The following ZNF74 variants were observed in gnomAD, a reference collection of about 807,000 sequenced individuals.
ZNF74 encodes zinc finger protein 74.
In ZNF74, 12 loss-of-function variants were observed where a neutral mutation model predicts 17.7. The observed-to-expected ratio is 0.68, with a 90% CI of 0.43 to 1.10. The LOEUF (loss-of-function observed/expected upper bound fraction) is 1.10, where lower values mean the gene tolerates loss of function less well. ZNF74 is among the 50% of genes least tolerant of loss of function. ZNF74 has a pLI of 0.00. For synonymous variants in ZNF74, 358 were observed against 362.1 expected, an observed-to-expected ratio of 0.99 and a Z score of 0.13; for missense variants, 811 against 881.0, an observed-to-expected ratio of 0.92 and a Z score of 1.01.
chr22:20,404,966 G>A (rs2052396992), intron 4 of ZNF74, among the ~76,000 whole-genome samples: 1 of 152,218 alleles, frequency 6.6e-6, no homozygotes, highest in Non-Finnish European at 1.5e-5. Flanking sequence ...CAAAAAACAT[G>A]TATTTGTCCT....
chr22:20,406,755 C>T lies in ZNF74; in HGVS notation c.1722C>T (p.His574=). The T allele has an allele frequency of 6.2e-7, 1 of 1,614,138 alleles. No homozygotes were observed. The change falls in exon 5 of 5, where the codon CAC becomes CAT. Residue 574 remains histidine (H), a synonymous_variant. Transcript: ENST00000400451. ...MFNWSSHLTE[H]QRLHSEGKPL... ...ACTGGAGCTCGCACCTCACTGAGCACCAGAGGCTGCACAGCGAGGGGAAGC... is the reference window on the plus strand; with the variant it reads ...ACTGGAGCTCGCACCTCACTGAGCATCAGAGGCTGCACAGCGAGGGGAAGC...
chr22:20,405,534 A>T lies in ZNF74; in HGVS notation c.501A>T (p.Ala167=). 6.2e-7 allele frequency: 1 copy of T among 1,602,982 alleles called. No individual in the cohort carries two copies. The highest frequency in any genetic ancestry group is 8.5e-7 in the Non-Finnish European group (1 of 1,175,010). ...QRSQAAPWAP[A]PAMVWDVPVE... ...GTCAGGCTGCGCCCTGGGCGCCCGCACCTGCCATGGTCTGGGACGTCCCTG... is the reference window on the plus strand; with the variant it reads ...GTCAGGCTGCGCCCTGGGCGCCCGCTCCTGCCATGGTCTGGGACGTCCCTG... The change falls in exon 5 of 5, where the codon GCA becomes GCT. Residue 167 remains alanine, a synonymous_variant. Transcript: ENST00000400451.
intron 4 of ZNF74, among the ~76,000 whole-genome samples, chr22:20,402,349 T>A (rs983212033): frequency 1.3e-5 from 2 of 152,188 alleles, no homozygotes; most frequent in Non-Finnish European, 2.9e-5. Flanking sequence ...TTTCAAAAAA[T>A]TCATATTTTT....
intron 4 of ZNF74, 81 bp from the exon 5 acceptor site, chr22:20,405,296 C>T: frequency 7.0e-7 from 1 of 1,431,830 alleles, no homozygotes; most frequent in South Asian, 1.4e-5. Context: ...GGCTTATCTG[C>T]ATCTCCAGGC....
At chr22:20,400,200 G>A (rs528438569) in intron 2 of ZNF74, 18 of 176,730 alleles carry the variant, frequency 1.0e-4, no homozygotes, top group Non-Finnish European at 2.1e-4. Flanking sequence ...GTCTGGGATC[G>A]GATCCTTTTG....
Position 20,401,329 on chromosome 22 carries a change from G to C in ZNF74, c.300G>C (p.Glu100Asp). The change falls in exon 4 of 5, where the codon GAG (glutamate) becomes GAC (aspartate). Residue 100 changes from glutamate to aspartate, a missense_variant. Coordinates refer to ENST00000400451, the MANE Select transcript of ZNF74 (RefSeq NM_003426.4). This position sits in a 1 kb window ranked among gnomAD's most constrained non-coding sequence, Gnocchi z 4.2. ...TCTCTCATCTGGAACGAGGCGAGGA[G>C]CCATGGAGCATGCAGAGGGAAGTCC... ...DVISHLERGE[E>D]PWSMQREVPR... 1 of 1,611,538 alleles carries C rather than the reference G, an allele frequency of 6.2e-7. No individual in the cohort carries two copies. The highest frequency in any genetic ancestry group is 1.1e-5 in the South Asian group (1 of 90,270).
Position 20,401,225 on chromosome 22 carries a change from A to T in ZNF74, c.248-52A>T. 7.6e-7 allele frequency: 1 copy of T among 1,314,002 alleles called. No homozygotes were observed. The highest frequency in any genetic ancestry group is 1.1e-6 in the Non-Finnish European group (1 of 925,546). The allele number at this position is 1,314,002 out of a possible 1,614,324, so 81.4% of individuals were successfully genotyped here. On this transcript the variant is annotated intron_variant, in intron 3 of 4. Transcript: ENST00000400451. The surrounding 1 kb of genome is among the most constrained non-coding windows in gnomAD (Gnocchi z 4.2). ...TGTTAGGGGGCGGCCTGTAAGGTCGACTGGGCCTGGAGAGCTGCAGCATGC... is the reference window on the plus strand; with the variant it reads ...TGTTAGGGGGCGGCCTGTAAGGTCGTCTGGGCCTGGAGAGCTGCAGCATGC...
chr22:20,405,509 G>A lies in ZNF74; in HGVS notation c.476G>A (p.Ser159Asn), dbSNP rs2052404996. ...CGCCAGGCAGGTGCTCTGCAGAGGA[G>A]TCAGGCTGCGCCCTGGGCGCCCGCA... is the stretch of plus-strand genomic sequence containing the variant. ...WGRQAGALQRSQAAPWAPAPA... is the reference protein window; with the variant it reads ...WGRQAGALQRNQAAPWAPAPA... The change falls in exon 5 of 5, where the codon AGT becomes AAT. Residue 159 changes from serine to asparagine, a missense_variant. Transcript: ENST00000400451. 1 of 1,604,852 alleles carries A rather than the reference G, an allele frequency of 6.2e-7. No homozygotes were observed.
chr22:20,402,855 C>T (rs994575698), intron 4 of ZNF74, among the ~76,000 whole-genome samples: 1 of 151,716 alleles, frequency 6.6e-6, no homozygotes, highest in African/African-American at 2.4e-5. Flanking sequence ...ACCTGTAATC[C>T]CAGCTACTCT....
rs1203144859 is a variant in ZNF74 at position 20,407,256 on chromosome 22, C to T, written c.*288C>T. ...TGACAAGGGGAAAGATCTTTCTTGC[C>T]AATAAAAAGAAGGGATATCGTTGGG... On this transcript the variant is annotated 3_prime_UTR_variant, in exon 5 of 5. Coordinates refer to ENST00000400451, the MANE Select transcript of ZNF74 (RefSeq NM_003426.4). 3 of 429,380 alleles carry T rather than the reference C, an allele frequency of 7.0e-6. No homozygotes were observed. Among genetic ancestry groups the T allele is most frequent in the African/African-American group, 6.0e-5 (3 of 50,002 alleles). The allele number at this position is 429,380 out of a possible 1,614,324, so 26.6% of individuals were successfully genotyped here.
intron 4 of ZNF74, among the ~76,000 whole-genome samples, chr22:20,404,894 C>T (rs950624617): frequency 4.0e-4 from 61 of 152,238 alleles, no homozygotes; most frequent in Admixed American, 1.2e-3. Context: ...GAGCCGAGAT[C>T]GCGCCACTGC....
chr22:20,394,583 G>C lies in ZNF74; in HGVS notation c.-46G>C. The C allele has an allele frequency of 6.2e-7, 1 of 1,610,354 alleles. No homozygotes were observed. Among genetic ancestry groups the C allele is most frequent in the Non-Finnish European group, 8.5e-7 (1 of 1,176,656 alleles). ...TTCAGGGCCTGCCCTGGATCCTGGA[G>C]GCTACACAGCTGCCCACTCCTCCTG... On this transcript the variant is annotated 5_prime_UTR_variant, in exon 1 of 5. Coordinates refer to ENST00000400451, the MANE Select transcript of ZNF74 (RefSeq NM_003426.4).
At chr22:20,404,426 C>T (rs929117449) in intron 4 of ZNF74, among the ~76,000 whole-genome samples, 7 of 152,108 alleles carry the variant, frequency 4.6e-5, no homozygotes, top group Non-Finnish European at 8.8e-5. Flanking sequence ...TCCCTAGGCT[C>T]AGGTGATCCT....
rs1478885547 is a variant in ZNF74, at chr22:20,406,985, G to A, written c.*17G>A. On this transcript the variant is annotated 3_prime_UTR_variant, in exon 5 of 5. Coordinates refer to ENST00000400451, the MANE Select transcript of ZNF74 (RefSeq NM_003426.4). The stretch of plus-strand genomic sequence containing the variant: ...CGAAACTAACATGATGTGCTTTGGT[G>A]TCAGTAGCTGCTTTCTGAGCTACTC... The A allele has an allele frequency of 1.3e-6, 2 of 1,594,282 alleles. No individual in the cohort carries two copies. Among genetic ancestry groups the A allele is most frequent in the Admixed American group, 1.7e-5 (1 of 58,550 alleles).
In ZNF74 at chr22:20,401,018, G is replaced by A; in HGVS notation, c.248-259G>A. ...AGGGGCAGGGAGAGAAGAGAAGAAG[G>A]TGGGACCCTGGAGCCCAGCTGGCTC... is the stretch of plus-strand genomic sequence containing the variant. On this transcript the variant is annotated intron_variant, in intron 3 of 4. Transcript: ENST00000400451. This position sits in a 1 kb window ranked among gnomAD's most constrained non-coding sequence, Gnocchi z 4.2. 1 of 596,134 alleles carries A rather than the reference G, an allele frequency of 1.7e-6. No homozygotes were observed. The highest frequency in any genetic ancestry group is 2.1e-5 in the South Asian group (1 of 48,512). The allele number at this position is 596,134 out of a possible 1,614,324, so 36.9% of individuals were successfully genotyped here.
chr22:20,400,889 C>T, intron 3 of ZNF74, 131 bp downstream of exon 3: 2 of 1,177,080 alleles, frequency 1.7e-6, no homozygotes, highest in Non-Finnish European at 2.4e-6. Flanking sequence ...AGGCCTGTGC[C>T]TTGGGGCACT....
Position 20,408,168 on chromosome 22 carries a change from A to T in ZNF74, c.*1200A>T, listed in dbSNP as rs1232470238. 3 of 152,208 alleles carry T rather than the reference A, an allele frequency of 2.0e-5. No homozygotes were observed. Among genetic ancestry groups the T allele is most frequent in the South Asian group, 2.1e-4 (1 of 4,834 alleles). 9.4% of individuals were successfully genotyped at this position (152,208 alleles called of 1,614,324 possible). Reference sequence around the variant, plus strand: ...GGGAGACGGGCTCCATGGTGGTCCCACATGGAGCTGTTTTGCAAACCCTGG... The same window carrying T: ...GGGAGACGGGCTCCATGGTGGTCCCTCATGGAGCTGTTTTGCAAACCCTGG... On this transcript the variant is annotated 3_prime_UTR_variant, in exon 5 of 5. Coordinates refer to ENST00000400451, the MANE Select transcript of ZNF74 (RefSeq NM_003426.4).
Position 20,400,773 on chromosome 22 carries a change from G to A in ZNF74, c.247+15G>A, listed in dbSNP as rs2052348513. 1.2e-6 allele frequency: 2 copies of A among 1,613,002 alleles called. No individual in the cohort carries two copies. Among genetic ancestry groups the A allele is most frequent in the Non-Finnish European group, 1.7e-6 (2 of 1,179,378 alleles). The stretch of plus-strand genomic sequence containing the variant: ...TCTTGCCCTAGGTAAAATCCCCCCA[G>A]CCCCAGGCTGGGCGTCGGCTGTCAG... On this transcript the variant is annotated intron_variant, in intron 3 of 4. Transcript: ENST00000400451.
In ZNF74 at chr22:20,406,065, C is replaced by G; in HGVS notation, c.1032C>G (p.Ser344Arg). Residue 344 changes from serine to arginine, a missense_variant, in exon 5 of 5, where the codon AGC (serine) becomes AGG (arginine). This residue lies in a region of ZNF74 where 666 missense variants were observed against 702.3 expected (regional missense o/e 0.95). Transcript: ENST00000400451. The part of the protein sequence containing the change: ...CSACEKAFSC[S>R]SLLSMHLRVH... ...CCTGCGAGAAGGCCTTCAGCTGCAG[C>G]TCGCTGCTCAGCATGCACCTGCGGG... 6.2e-7 allele frequency: 1 copy of G among 1,613,430 alleles called. No homozygotes were observed. Among genetic ancestry groups the G allele is most frequent in the Non-Finnish European group, 8.5e-7 (1 of 1,179,742 alleles).
Sources: gnomAD v4.1 joint callset for allele counts (sites outside exome capture counted in the v4.1 genomes callset) on GRCh38, gnomAD v4.1.1 for gene constraint, gnomAD v4.1.1 regional missense constraint, Gnocchi (gnomAD v3.1) non-coding constraint, MANE v1.5 for transcripts, NCBI Gene and HGNC (gene_info 2026-07-23, HGNC 2026-07-21) for gene names.